The following SPATA16 variants were observed in gnomAD, a reference collection of about 807,000 sequenced individuals.
The protein encoded by SPATA16 is spermatogenesis associated 16, also known as spermatogenesis-associated protein 16.
A neutral mutation model predicts 63.3 loss-of-function variants in SPATA16; 36 were observed. The ratio of observed to expected loss-of-function variants is 0.57; its 90% CI spans 0.44 to 0.75. SPATA16 has a LOEUF of 0.75. Ranked by LOEUF, SPATA16 falls within the 30% of genes least tolerant of loss-of-function variation. The pLI, the probability that SPATA16 is intolerant of heterozygous loss-of-function variation, is 0.00. For synonymous variants in SPATA16, 203 were observed against 216.7 expected (o/e 0.94, Z 0.56); for missense variants, 646 against 679.3 (o/e 0.95, Z 0.54).
chr3:172,935,192 T>C (rs751198028), intron 6 of SPATA16, among the ~76,000 whole-genome samples: 4 of 152,216 alleles, frequency 2.6e-5, no homozygotes, highest in Non-Finnish European at 5.9e-5. Flanking sequence ...AAGCTTGACA[T>C]GGTGGTACGT....
chr3:173,109,805 T>G (rs145635105), intron 2 of SPATA16, among the ~76,000 whole-genome samples: 1 of 152,164 alleles, frequency 6.6e-6, no homozygotes, highest in African/African-American at 2.4e-5. Flanking sequence ...CTCTACACTT[T>G]GGATCCTTGA....
intron 5 of SPATA16, among the ~76,000 whole-genome samples, chr3:172,957,026 A>C (rs1222075174): frequency 6.6e-6 from 1 of 152,214 alleles, no homozygotes; most frequent in Non-Finnish European, 1.5e-5. Context: ...AAACCAATTA[A>C]ATGAAGAAAG....
intron 4 of SPATA16, among the ~76,000 whole-genome samples, chr3:173,009,030 G>A (rs909534376): frequency 9.9e-5 from 15 of 152,154 alleles, no homozygotes; most frequent in Non-Finnish European, 2.2e-4. Flanking sequence ...ATGGTAAATT[G>A]ATTCTACTGA....
intron 5 of SPATA16, among the ~76,000 whole-genome samples, chr3:172,964,007 G>A (rs1733849011): frequency 6.6e-6 from 1 of 152,070 alleles, no homozygotes; most frequent in Non-Finnish European, 1.5e-5. Flanking sequence ...TCCACAGACA[G>A]CTAGAATTTG....
chr3:172,907,639 G>A (rs9872007), intron 10 of SPATA16, among the ~76,000 whole-genome samples: 19,689 of 151,376 alleles, frequency 0.13, 1,827 homozygotes, highest in African/African-American at 0.26. Flanking sequence ...GCAATGGCGC[G>A]ATCTTGGCTC....
At chr3:172,958,749 A>G (rs1577106312) in intron 5 of SPATA16, among the ~76,000 whole-genome samples, 1 of 152,014 alleles carries the variant, frequency 6.6e-6, no homozygotes, top group Admixed American at 6.6e-5. Context: ...GTCTTTCCCC[A>G]TGTCTTCACA....
At chr3:173,076,418 C>A (rs895576442) in intron 2 of SPATA16, among the ~76,000 whole-genome samples, 3 of 151,700 alleles carry the variant, frequency 2.0e-5, no homozygotes, top group African/African-American at 7.3e-5. Context: ...TAAATCAGCA[C>A]ACAAATGTAT....
chr3:172,968,663 A>G (rs894501087), intron 5 of SPATA16, among the ~76,000 whole-genome samples: 1 of 152,222 alleles, frequency 6.6e-6, no homozygotes, highest in Non-Finnish European at 1.5e-5. Context: ...GAACATCAAC[A>G]GAAGAACTAC....
intron 3 of SPATA16, among the ~76,000 whole-genome samples, chr3:173,043,675 G>T (rs893451241): frequency 3.0e-4 from 46 of 150,942 alleles, no homozygotes; most frequent in African/African-American, 1.1e-3. Flanking sequence ...ATCACCTCTG[G>T]TACTCTTCTT....
intron 4 of SPATA16, among the ~76,000 whole-genome samples, chr3:173,014,072 C>T (rs1159982239): frequency 1.3e-5 from 2 of 152,114 alleles, no homozygotes; most frequent in Non-Finnish European, 1.5e-5. Flanking sequence ...GTCAGCAATC[C>T]CACTTCTTGG....
chr3:172,918,100 C>A (rs1487682135), intron 8 of SPATA16, among the ~76,000 whole-genome samples: 2 of 152,164 alleles, frequency 1.3e-5, no homozygotes, highest in Non-Finnish European at 1.5e-5. Context: ...GGGGTTCCTT[C>A]CTGAATTGAT....
chr3:173,041,841 A>G (rs1202616855), intron 3 of SPATA16, among the ~76,000 whole-genome samples: 2 of 152,090 alleles, frequency 1.3e-5, no homozygotes, highest in African/African-American at 4.8e-5. Context: ...ATTAGGAGAT[A>G]TACCTAATGT....
At chr3:173,099,135 G>A (rs545386725) in intron 2 of SPATA16, among the ~76,000 whole-genome samples, 4 of 152,144 alleles carry the variant, frequency 2.6e-5, no homozygotes, top group Middle Eastern at 3.4e-3. Flanking sequence ...GTAGCATAAC[G>A]ATACTTCACA....
At chr3:173,083,653 C>T (rs1009421987) in intron 2 of SPATA16, among the ~76,000 whole-genome samples, 7 of 152,082 alleles carry the variant, frequency 4.6e-5, no homozygotes, top group South Asian at 2.1e-4. Context: ...CTTCTCTCCC[C>T]GAAAGGCCCC....
intron 1 of SPATA16, among the ~76,000 whole-genome samples, chr3:173,118,478 C>T (rs1737968995): frequency 6.6e-6 from 1 of 152,140 alleles, no homozygotes; most frequent in South Asian, 2.1e-4. Context: ...AAATATGTAA[C>T]AGTCTTTTGA....
chr3:172,952,006 G>A (rs1003659556), intron 6 of SPATA16, among the ~76,000 whole-genome samples: 3 of 152,124 alleles, frequency 2.0e-5, no homozygotes, highest in East Asian at 3.9e-4. Flanking sequence ...TTGTCTTGCT[G>A]CAGTGAAAGC....
At chr3:173,102,020 T>C (rs1437095860) in intron 2 of SPATA16, among the ~76,000 whole-genome samples, 1 of 152,204 alleles carries the variant, frequency 6.6e-6, no homozygotes, top group African/African-American at 2.4e-5. Flanking sequence ...TAAAAACTTT[T>C]GGATTCTCAG....
At chr3:173,092,284 C>A (rs1354873280) in intron 2 of SPATA16, among the ~76,000 whole-genome samples, 1 of 152,076 alleles carries the variant, frequency 6.6e-6, no homozygotes, top group Non-Finnish European at 1.5e-5. Context: ...CTTGACAAGC[C>A]AGTAATTGAG....
chr3:172,926,719 A>T (rs976171956), intron 6 of SPATA16, among the ~76,000 whole-genome samples: 4 of 152,174 alleles, frequency 2.6e-5, no homozygotes, highest in Admixed American at 1.3e-4. Context: ...ACCCAAGATC[A>T]CGAATTGAGC....
Sources: gnomAD v4.1 joint callset for allele counts (sites outside exome capture counted in the v4.1 genomes callset) on GRCh38, gnomAD v4.1.1 for gene constraint, MANE v1.5 for transcripts, NCBI Gene and HGNC (gene_info 2026-07-23, HGNC 2026-07-21) for gene names.